The following ECM2 variants were observed in gnomAD, a reference collection of about 807,000 sequenced individuals.
The protein encoded by ECM2 is extracellular matrix protein 2.
In ECM2, 57 loss-of-function variants were observed where a neutral mutation model predicts 67.5. The ratio of observed to expected loss-of-function variants is 0.84; its 90% CI spans 0.68 to 1.05. The LOEUF is 1.05. ECM2 is among the 50% of genes least tolerant of loss of function. ECM2 has a pLI of 0.00. For missense variants in ECM2, 741 were observed against 822.8 expected, an observed-to-expected ratio of 0.90 and a Z score of 1.22; for synonymous variants, 258 against 294.5, an observed-to-expected ratio of 0.88 and a Z score of 1.27.
chr9:92,500,703 A>T (rs755665680), intron 9 of ECM2, 24 bp downstream of exon 9: 1 of 1,588,726 alleles, frequency 6.3e-7, no homozygotes, highest in East Asian at 2.2e-5. Flanking sequence ...ATTTAAACAG[A>T]TACTTGAAAA....
intron 1 of ECM2, among the ~76,000 whole-genome samples, chr9:92,533,585 T>C (rs1361885241): frequency 1.3e-5 from 2 of 151,766 alleles, no homozygotes; most frequent in Admixed American, 6.6e-5. Flanking sequence ...TCACCCTTTC[T>C]AGTTATTCTC....
intron 4 of ECM2, among the ~76,000 whole-genome samples, chr9:92,514,159 G>T: frequency 6.9e-6 from 1 of 144,938 alleles, no homozygotes; most frequent in East Asian, 2.0e-4. Flanking sequence ...ACAGGATCTC[G>T]CTCTGTTGCC....
At chr9:92,504,681 T>C (rs1198289128) in intron 7 of ECM2, among the ~76,000 whole-genome samples, 1 of 152,088 alleles carries the variant, frequency 6.6e-6, no homozygotes, top group Non-Finnish European at 1.5e-5. Flanking sequence ...ACTACAGGTG[T>C]GCACCACCAT....
At chr9:92,552,464 G>C in the ECM2 span, among the ~76,000 whole-genome samples, 2 of 152,132 alleles carry the variant, frequency 1.3e-5, no homozygotes, top group Non-Finnish European at 2.9e-5. Flanking sequence ...CCCACCAGCA[G>C]TGTAGAAGTG....
At chr9:92,540,770 CA>C (rs34768785), upstream of ECM2, among the ~76,000 whole-genome samples, 55,522 of 141,820 alleles carry the variant, frequency 0.39, 12,583 homozygotes, top group African/African-American at 0.66. Flanking sequence ...GACTCTGTCT[CA>C]AAAAAAAAAA....
At chr9:92,517,960 A>G in intron 2 of ECM2, 85 bp from the exon 3 acceptor site, 1 of 1,477,202 alleles carries the variant, frequency 6.8e-7, no homozygotes. Context: ...GTGAAGTCAA[A>G]CTGCTCTAAC....
At chr9:92,510,664 G>T (rs1847277983) in intron 5 of ECM2, among the ~76,000 whole-genome samples, 1 of 152,196 alleles carries the variant, frequency 6.6e-6, no homozygotes, top group South Asian at 2.1e-4. Context: ...GGGGACCTGT[G>T]GTTGGGTAGG....
chr9:92,523,120 G>A (rs1467265676), intron 1 of ECM2, among the ~76,000 whole-genome samples: 16 of 149,906 alleles, frequency 1.1e-4, no homozygotes. Flanking sequence ...TTGCTCCATC[G>A]CCCAGGCTGG....
At chr9:92,521,849 T>C (rs540350601) in intron 2 of ECM2, among the ~76,000 whole-genome samples, 48 of 152,312 alleles carry the variant, frequency 3.2e-4, no homozygotes, top group African/African-American at 1.1e-3. Context: ...ATTTCTGTAT[T>C]CTAGATGATC....
the ECM2 span, among the ~76,000 whole-genome samples, chr9:92,546,326 C>T: frequency 6.6e-6 from 1 of 152,216 alleles, no homozygotes. Flanking sequence ...TGACAACCCA[C>T]CAGAGGTCCC....
the ECM2 span, among the ~76,000 whole-genome samples, chr9:92,544,420 G>A: frequency 0.011 from 1,731 of 152,282 alleles, 26 homozygotes; most frequent in African/African-American, 0.038. Flanking sequence ...AGGTTGCAGC[G>A]AGCCACGATT....
At chr9:92,499,570 A>C (rs1435163172) in intron 9 of ECM2, among the ~76,000 whole-genome samples, 1 of 152,218 alleles carries the variant, frequency 6.6e-6, no homozygotes, top group Non-Finnish European at 1.5e-5. Flanking sequence ...TTAGAATCAA[A>C]AAAGGTGGGA....
At chr9:92,524,475 A>G (rs899421391) in intron 1 of ECM2, among the ~76,000 whole-genome samples, 1 of 152,168 alleles carries the variant, frequency 6.6e-6, no homozygotes, top group Admixed American at 6.5e-5. Flanking sequence ...TCATCAAAGG[A>G]TTCACTCAGC....
At chr9:92,494,343 C>T (rs148546282), downstream of ECM2, among the ~76,000 whole-genome samples, 2 of 152,326 alleles carry the variant, frequency 1.3e-5, no homozygotes, top group East Asian at 3.9e-4. Flanking sequence ...AAGTGTTGCA[C>T]AAGGGTTGTT....
At position 92,520,784 on chromosome 9, in the gene ECM2, A is replaced by T. The variant is rs528160382; in HGVS notation, c.292+1791T>A. On this transcript the variant is annotated intron_variant, in intron 2 of 9. Transcript: ENST00000344604. ...AATGGAATATTATTCAGCCATAAAAAGGAATGAAGTTCTGATACAGGCTAA... is the reference window on the plus strand; with the variant it reads ...AATGGAATATTATTCAGCCATAAAATGGAATGAAGTTCTGATACAGGCTAA... Among the ~76,000 whole-genome samples the T allele has an allele frequency of 7.9e-5, 12 of 152,378 alleles. No individual in the cohort carries two copies. In the South Asian group the frequency reaches 2.3e-3, roughly 29 times the overall value.
upstream of ECM2, chr9:92,536,236 G>A: frequency 3.1e-6 from 1 of 324,316 alleles, no homozygotes; most frequent in South Asian, 2.5e-5. Context: ...CATTTTGTTT[G>A]CAGGCTGAAA....
chr9:92,494,854 C>A (rs564138871), downstream of ECM2, among the ~76,000 whole-genome samples: 15 of 152,158 alleles, frequency 9.9e-5, no homozygotes, highest in South Asian at 3.1e-3. Context: ...TTGCAGTGAG[C>A]CGAGATTGCA....
the ECM2 span, among the ~76,000 whole-genome samples, chr9:92,544,741 G>C: frequency 2.7e-4 from 37 of 139,244 alleles, no homozygotes; most frequent in African/African-American, 1.0e-3. Flanking sequence ...TTGAGTTGGA[G>C]TTTCGCTGTT....
At position 92,522,775 on chromosome 9, in the gene ECM2, C is replaced by T. The variant is rs1169057424; in HGVS notation, c.92G>A (p.Arg31Lys). Residue 31 changes from arginine (R) to lysine (K), a missense_variant, in exon 2 of 10, where the codon AGG becomes AAG. Physicochemically the swap from Arg to Lys is conservative, Grantham distance 26 (BLOSUM62 2). Coordinates refer to ENST00000344604, the MANE Select transcript of ECM2 (RefSeq NM_001393.4). ...KNEEIPRKQR[R>K]KIYHRRLRKS... ...CCTCAACCTTCTGTGGTAGATCTTC[C>T]TCCTTTGCTTCCTAGGAATTTCTTC... The T allele has an allele frequency of 1.2e-5, 20 of 1,613,808 alleles. No individual in the cohort carries two copies. Among genetic ancestry groups the T allele is most frequent in the Non-Finnish European group, 1.7e-5 (20 of 1,179,934 alleles).
Sources: gnomAD v4.1 joint callset for allele counts (sites outside exome capture counted in the v4.1 genomes callset) on GRCh38, gnomAD v4.1.1 for gene constraint, MANE v1.5 for transcripts, NCBI Gene and HGNC (gene_info 2026-07-23, HGNC 2026-07-21) for gene names.